NEO1: variants seen among roughly 807,000 people sequenced by gnomAD.
The protein encoded by NEO1 is neogenin.
A neutral mutation model predicts 159.7 loss-of-function variants in NEO1; 63 were observed. The ratio of observed to expected loss-of-function variants is 0.39; its 90% CI spans 0.32 to 0.49. NEO1 has a LOEUF of 0.49. NEO1 is among the 20% of genes least tolerant of loss of function. The pLI is 0.85. For missense variants in NEO1, 1,615 were observed against 1,831.0 expected (o/e 0.88, Z 2.15); for synonymous variants, 633 against 662.0 (o/e 0.96, Z 0.67).
intron 5 of NEO1, among the ~76,000 whole-genome samples, chr15:73,154,547 G>A (rs756308630): frequency 2.6e-5 from 4 of 152,136 alleles, no homozygotes; most frequent in Non-Finnish European, 4.4e-5. Flanking sequence ...CATGAGTTCA[G>A]TTGTTTTCAT....
At chr15:73,076,537 G>C (rs66931013) in intron 1 of NEO1, among the ~76,000 whole-genome samples, 20,711 of 152,114 alleles carry the variant, frequency 0.14, 2,407 homozygotes, top group African/African-American at 0.31. Flanking sequence ...TAAATAGAAG[G>C]TACTGACAGT....
chr15:73,148,145 A>G (rs898096180), intron 5 of NEO1, among the ~76,000 whole-genome samples: 3 of 152,116 alleles, frequency 2.0e-5, no homozygotes, highest in Non-Finnish European at 4.4e-5. Flanking sequence ...TTACTACCTT[A>G]TTTTTATTGA....
At chr15:73,063,026 C>A (rs775108716) in intron 1 of NEO1, among the ~76,000 whole-genome samples, 1 of 152,126 alleles carries the variant, frequency 6.6e-6, no homozygotes, top group African/African-American at 2.4e-5. Flanking sequence ...AGGGAGGAAG[C>A]GTTCCTCTGT....
chr15:73,087,095 A>G (rs780287035), intron 1 of NEO1, among the ~76,000 whole-genome samples: 3 of 152,084 alleles, frequency 2.0e-5, no homozygotes, highest in Non-Finnish European at 4.4e-5. Context: ...TTAGGGAGAA[A>G]GCACTCTGTC....
intron 1 of NEO1, among the ~76,000 whole-genome samples, chr15:73,090,373 A>G (rs1037524474): frequency 3.9e-5 from 6 of 152,032 alleles, no homozygotes; most frequent in Non-Finnish European, 5.9e-5. Context: ...CATGCATTTA[A>G]AAAAGTAAAA....
intron 1 of NEO1, among the ~76,000 whole-genome samples, chr15:73,065,260 T>G (rs1174103783): frequency 6.6e-6 from 1 of 152,196 alleles, no homozygotes; most frequent in African/African-American, 2.4e-5. Flanking sequence ...AATTTATTCA[T>G]TTAGATTTAC....
chr15:73,294,124 A>G (rs2042265114), intron 26 of NEO1, among the ~76,000 whole-genome samples: 1 of 152,250 alleles, frequency 6.6e-6, no homozygotes, highest in Admixed American at 6.5e-5. Context: ...TCCTCTCTGA[A>G]GAAACAGAAA....
intron 5 of NEO1, among the ~76,000 whole-genome samples, chr15:73,154,016 G>A (rs2033583455): frequency 6.6e-6 from 1 of 152,050 alleles, no homozygotes; most frequent in Non-Finnish European, 1.5e-5. Flanking sequence ...TTTATACTGT[G>A]TCACATTTAC....
chr15:73,245,527 C>T (rs942539638), intron 9 of NEO1, among the ~76,000 whole-genome samples: 1 of 151,618 alleles, frequency 6.6e-6, no homozygotes, highest in Non-Finnish European at 1.5e-5. Flanking sequence ...AGGCTTTTGT[C>T]TAGACTTTTG....
At chr15:73,228,543 G>A (rs558103207) in intron 7 of NEO1, among the ~76,000 whole-genome samples, 169 of 150,378 alleles carry the variant, frequency 1.1e-3, no homozygotes, top group Admixed American at 1.5e-3. Flanking sequence ...TTAGTTTTGG[G>A]TTGTTTTTTG....
intron 7 of NEO1, among the ~76,000 whole-genome samples, chr15:73,179,572 T>C (rs907274065): frequency 3.3e-5 from 5 of 152,210 alleles, no homozygotes; most frequent in African/African-American, 1.2e-4. Flanking sequence ...GAAACTCCTT[T>C]CTTCTGTACT....
intron 5 of NEO1, among the ~76,000 whole-genome samples, chr15:73,159,214 G>A (rs778190427): frequency 2.6e-5 from 4 of 152,084 alleles, no homozygotes; most frequent in Non-Finnish European, 5.9e-5. Context: ...CACTACAAAC[G>A]TTACCAAAAC....
intron 1 of NEO1, among the ~76,000 whole-genome samples, chr15:73,113,558 AG>A (rs1342079733): frequency 6.6e-6 from 1 of 152,216 alleles, no homozygotes; most frequent in Non-Finnish European, 1.5e-5. Context: ...GCGAACTTCT[AG>A]CTCAAGGTAG....
chr15:73,231,142 T>C (rs1461443154), intron 7 of NEO1, among the ~76,000 whole-genome samples: 1 of 152,198 alleles, frequency 6.6e-6, no homozygotes, highest in Non-Finnish European at 1.5e-5. Context: ...CTGCTAAAAC[T>C]ATTAGACAAA....
At chr15:73,090,778 A>G (rs918754511) in intron 1 of NEO1, among the ~76,000 whole-genome samples, 1 of 152,242 alleles carries the variant, frequency 6.6e-6, no homozygotes, top group Non-Finnish European at 1.5e-5. Context: ...CTTTATGTAC[A>G]TAATTCTTAC....
chr15:73,160,614 G>T (rs2034105372), intron 5 of NEO1, among the ~76,000 whole-genome samples: 1 of 152,066 alleles, frequency 6.6e-6, no homozygotes, highest in Admixed American at 6.6e-5. Flanking sequence ...TTATTAATTT[G>T]CTAGAGTGGC....
intron 3 of NEO1, 140 bp downstream of exon 3, chr15:73,122,940 C>T (rs748362969): frequency 5.1e-5 from 52 of 1,027,004 alleles, no homozygotes; most frequent in Middle Eastern, 3.1e-4. Flanking sequence ...GAGGTTGAAG[C>T]GGGTGGATCA....
chr15:73,189,091 C>T (rs1460540148), intron 7 of NEO1, among the ~76,000 whole-genome samples: 1 of 152,152 alleles, frequency 6.6e-6, no homozygotes, highest in East Asian at 1.9e-4. Context: ...AGAGCAAGAC[C>T]ACCACCCTAC....
intron 1 of NEO1, among the ~76,000 whole-genome samples, chr15:73,075,204 T>C (rs1449498613): frequency 2.0e-5 from 3 of 152,144 alleles, no homozygotes; most frequent in South Asian, 2.1e-4. Flanking sequence ...CAAAGTTAAA[T>C]AGAACGTCCA....
Sources: gnomAD v4.1 joint callset for allele counts (sites outside exome capture counted in the v4.1 genomes callset) on GRCh38, gnomAD v4.1.1 for gene constraint, MANE v1.5 for transcripts, NCBI Gene and HGNC (gene_info 2026-07-23, HGNC 2026-07-21) for gene names.